Variants in AGBL4 observed in about 807,000 individuals in gnomAD.
AGBL4 encodes cytosolic carboxypeptidase 6.
In AGBL4, 58 loss-of-function variants were observed where a neutral mutation model predicts 66.4. The ratio of observed to expected loss-of-function variants is 0.87; its 90% CI spans 0.71 to 1.09. The LOEUF is 1.09. AGBL4 is among the 50% of genes least tolerant of loss of function. The probability of loss-of-function intolerance (pLI) is 0.00; values close to 1 mark genes in which losing one functional copy is unlikely to be tolerated. For missense variants in AGBL4, 579 were observed against 631.0 expected, an observed-to-expected ratio of 0.92 and a Z score of 0.88; for synonymous variants, 234 against 222.9, an observed-to-expected ratio of 1.05 and a Z score of -0.44.
chr1:49,917,194 C>A (rs1651624303), intron 1 of AGBL4, among the ~76,000 whole-genome samples: 1 of 152,072 alleles, frequency 6.6e-6, no homozygotes, highest in African/African-American at 2.4e-5. Context: ...GCAAAATAAC[C>A]AGCTAACATC....
chr1:49,034,605 A>G (rs890098617), intron 5 of AGBL4, among the ~76,000 whole-genome samples: 7 of 151,866 alleles, frequency 4.6e-5, no homozygotes, highest in African/African-American at 1.7e-4. Context: ...TGTGGGAGGG[A>G]CCCAGTAGGA....
intron 5 of AGBL4, among the ~76,000 whole-genome samples, chr1:49,013,522 G>A (rs1662602435): frequency 6.6e-6 from 1 of 152,112 alleles, no homozygotes; most frequent in Non-Finnish European, 1.5e-5. Flanking sequence ...TAATACCCAG[G>A]CAACCTTCCA....
intron 6 of AGBL4, among the ~76,000 whole-genome samples, chr1:48,760,019 T>C (rs1309977960): frequency 1.3e-5 from 2 of 151,828 alleles, no homozygotes; most frequent in Non-Finnish European, 2.9e-5. Context: ...GGTCAGAGAG[T>C]TCAGGGAAGG....
intron 4 of AGBL4, among the ~76,000 whole-genome samples, chr1:49,207,542 T>TTTTCTTTTCTTTCTTTC (rs1553166400): frequency 5.1e-5 from 4 of 77,976 alleles, no homozygotes; most frequent in Non-Finnish European, 7.5e-5. Flanking sequence ...TTTTTCTTTC[T>TTTTCTTTTCTTTCTTTC]TTTCTTTCTT....
chr1:48,610,867 C>A (rs1645227449), intron 9 of AGBL4, among the ~76,000 whole-genome samples: 1 of 152,160 alleles, frequency 6.6e-6, no homozygotes, highest in African/African-American at 2.4e-5. Flanking sequence ...TCCTTCCACA[C>A]ACACACAGCC....
chr1:49,916,701 A>C (rs971216001), intron 1 of AGBL4, among the ~76,000 whole-genome samples: 3 of 152,218 alleles, frequency 2.0e-5, no homozygotes, highest in African/African-American at 7.2e-5. Flanking sequence ...CTAGCAAGGC[A>C]GGCCAACATT....
intron 4 of AGBL4, among the ~76,000 whole-genome samples, chr1:49,197,825 C>A (rs1647351399): frequency 6.6e-6 from 1 of 152,176 alleles, no homozygotes; most frequent in African/African-American, 2.4e-5. Flanking sequence ...TCATCCATGG[C>A]TAGAGTCCAC....
At chr1:49,319,222 G>T (rs1173869035) in intron 3 of AGBL4, among the ~76,000 whole-genome samples, 1 of 152,132 alleles carries the variant, frequency 6.6e-6, no homozygotes. Flanking sequence ...GTTCAAATCT[G>T]TATAGCCAAT....
At position 48,587,118 on chromosome 1, in the gene AGBL4, G is replaced by A. The variant is rs555192599; in HGVS notation, c.1153C>T (p.Arg385Cys). ...RDAVKAGTGR[R>C]FLGGLLDHTS... ...TGGTCCAGGAGTCCACCGAGGAAGC[G>A]ACGGCCAGTTCCTGCTTTCACAGCG... is the stretch of plus-strand genomic sequence containing the variant. Residue 385 changes from arginine (R) to cysteine (C), a missense_variant, in exon 11 of 14, where the codon CGC (arginine) becomes TGC (cysteine). Transcript: ENST00000371839. 6.6e-5 allele frequency: 103 copies of A among 1,571,706 alleles called. 1 individual carries two copies. In the South Asian group the frequency reaches 9.4e-4, roughly 14 times the overall value.
At chr1:49,227,318 T>C (rs529392628) in intron 4 of AGBL4, among the ~76,000 whole-genome samples, 5 of 152,334 alleles carry the variant, frequency 3.3e-5, no homozygotes, top group East Asian at 1.9e-4. Context: ...AACATGTAGA[T>C]AGGATGAACA....
At chr1:48,791,840 G>T (rs1050667685) in intron 6 of AGBL4, among the ~76,000 whole-genome samples, 5 of 152,182 alleles carry the variant, frequency 3.3e-5, no homozygotes, top group African/African-American at 7.2e-5. Context: ...TAGAAAGCAT[G>T]GGTTTATGGT....
chr1:48,929,259 C>G (rs527657104), intron 5 of AGBL4, among the ~76,000 whole-genome samples: 1 of 152,172 alleles, frequency 6.6e-6, no homozygotes, highest in Non-Finnish European at 1.5e-5. Flanking sequence ...GGGACCAGCA[C>G]AATCTGGCCC....
chr1:48,961,081 GT>G (rs1657932556), intron 5 of AGBL4, among the ~76,000 whole-genome samples: 2 of 67,766 alleles, frequency 3.0e-5, no homozygotes, highest in Non-Finnish European at 5.0e-5. Flanking sequence ...CCAGTCTGGG[GT>G]GTGTGTGTGT....
chr1:48,874,953 G>C (rs1649075361), intron 5 of AGBL4, among the ~76,000 whole-genome samples: 1 of 152,110 alleles, frequency 6.6e-6, no homozygotes, highest in Admixed American at 6.5e-5. Context: ...CTGAACAACT[G>C]ATGGGCAGCA....
At chr1:49,003,185 G>A (rs544029663) in intron 5 of AGBL4, among the ~76,000 whole-genome samples, 13 of 152,276 alleles carry the variant, frequency 8.5e-5, no homozygotes, top group African/African-American at 2.2e-4. Flanking sequence ...ATCGCCTGAC[G>A]TCAAGGGTTC....
intron 2 of AGBL4, among the ~76,000 whole-genome samples, chr1:49,697,864 T>G (rs1026922275): frequency 3.3e-5 from 5 of 152,180 alleles, no homozygotes; most frequent in African/African-American, 1.2e-4. Flanking sequence ...TTGTTTAATT[T>G]TTACAACAGG....
At chr1:49,869,017 T>C (rs963318421) in intron 1 of AGBL4, among the ~76,000 whole-genome samples, 20 of 152,216 alleles carry the variant, frequency 1.3e-4, no homozygotes, top group African/African-American at 9.6e-5. Context: ...CACTGATCAT[T>C]AGAGAAATGC....
At chr1:49,533,751 T>G (rs1651331956) in intron 3 of AGBL4, among the ~76,000 whole-genome samples, 1 of 152,142 alleles carries the variant, frequency 6.6e-6, no homozygotes, top group Non-Finnish European at 1.5e-5. Flanking sequence ...TGAGCCCATA[T>G]TTGCCCGCTT....
intron 4 of AGBL4, among the ~76,000 whole-genome samples, chr1:49,096,008 C>T (rs891337048): frequency 3.9e-5 from 6 of 151,978 alleles, no homozygotes; most frequent in African/African-American, 1.5e-4. Context: ...AACAAACAAC[C>T]CCATCAAAAA....
Sources: gnomAD v4.1 joint callset for allele counts (sites outside exome capture counted in the v4.1 genomes callset) on GRCh38, gnomAD v4.1.1 for gene constraint, MANE v1.5 for transcripts, NCBI Gene and HGNC (gene_info 2026-07-23, HGNC 2026-07-21) for gene names.